Variants in TBPL2 observed in about 807,000 individuals in gnomAD.
The protein encoded by TBPL2 is TATA-box binding protein like 2.
Under a neutral mutation model 38.2 loss-of-function variants are expected in TBPL2, and 40 were observed. That is an observed-to-expected ratio of 1.05 (90% CI 0.81 to 1.36). TBPL2 has a LOEUF of 1.36. Ranked by LOEUF, TBPL2 falls within the 40% of genes most tolerant of loss-of-function variation. TBPL2 has a pLI of 0.00. For missense variants in TBPL2, 461 were observed against 456.7 expected, an observed-to-expected ratio of 1.01 and a Z score of -0.09; for synonymous variants, 169 against 171.7, an observed-to-expected ratio of 0.98 and a Z score of 0.12.
intron 6 of TBPL2, among the ~76,000 whole-genome samples, chr14:55,419,146 G>T (rs145139689): frequency 1.3e-3 from 193 of 152,374 alleles, no homozygotes; most frequent in African/African-American, 4.3e-3. Flanking sequence ...TTGTAGACTT[G>T]CAAATTGCTG....
intron 4 of TBPL2, among the ~76,000 whole-genome samples, chr14:55,433,338 A>G (rs1885963085): frequency 1.4e-5 from 2 of 139,480 alleles, no homozygotes; most frequent in Admixed American, 7.3e-5. Context: ...TTTTTAACAG[A>G]GATGGAGTCT....
At chr14:55,434,285 C>T (rs1485570755) in intron 3 of TBPL2, among the ~76,000 whole-genome samples, 1 of 152,122 alleles carries the variant, frequency 6.6e-6, no homozygotes, top group Non-Finnish European at 1.5e-5. Flanking sequence ...TCTTATAGTT[C>T]TCAAAGTGTC....
chr14:55,432,571 CAT>C lies in TBPL2; in HGVS notation c.788+1057_788+1058del, dbSNP rs141566595. Among the ~76,000 whole-genome samples, 1,081 of 152,232 alleles carry C rather than the reference CAT, an allele frequency of 7.1e-3. 12 individuals carry two copies. Among genetic ancestry groups the C allele is most frequent in the Non-Finnish European group, 0.011 (773 of 68,014 alleles). ...TCTCCATAGATAACTGAGCAAATGA[CAT>C]AGCAATTTCTGCACTTCTAAAAAGT... On this transcript the variant is annotated intron_variant, in intron 4 of 6. Coordinates refer to ENST00000247219, the Ensembl canonical transcript of TBPL2.
rs1885787450 is a variant in TBPL2 at position 55,424,273 on chromosome 14, A to C, written c.957-20T>G. On this transcript the variant is annotated intron_variant, in intron 5 of 6. Transcript: ENST00000247219. Reference sequence around the variant, plus strand: ...TCGTAACTGTTAAGATGTAAAAGGAAAATGTTAAAAATAGCACTATTCAGC... The same window carrying C: ...TCGTAACTGTTAAGATGTAAAAGGACAATGTTAAAAATAGCACTATTCAGC... 6.6e-7 allele frequency: 1 copy of C among 1,520,198 alleles called. No homozygotes were observed. The highest frequency in any genetic ancestry group is 1.4e-5 in the African/African-American group (1 of 73,026). 94.2% of individuals were successfully genotyped at this position (1,520,198 alleles called of 1,614,324 possible). A position where few individuals can be genotyped will look rare whatever the true frequency, so the allele number is the denominator to read the frequency against.
chr14:55,426,271 A>C (rs1318844106), intron 5 of TBPL2, among the ~76,000 whole-genome samples: 1 of 151,778 alleles, frequency 6.6e-6, no homozygotes, highest in Non-Finnish European at 1.5e-5. Context: ...CCATCTCAAA[A>C]AAAAAAAATA....
At chr14:55,430,199 C>G (rs559160694) in intron 4 of TBPL2, among the ~76,000 whole-genome samples, 2 of 152,100 alleles carry the variant, frequency 1.3e-5, no homozygotes, top group South Asian at 4.1e-4. Context: ...TGAATTCCAC[C>G]CCCCTCATGG....
intron 5 of TBPL2, among the ~76,000 whole-genome samples, chr14:55,425,774 T>C (rs1443751965): frequency 6.6e-6 from 1 of 152,234 alleles, no homozygotes; most frequent in Non-Finnish European, 1.5e-5. Flanking sequence ...TCATAGCCCC[T>C]GAAGGGCCTT....
chr14:55,417,449 G>A (rs1885685008), intron 6 of TBPL2, among the ~76,000 whole-genome samples: 1 of 110,704 alleles, frequency 9.0e-6, no homozygotes, highest in African/African-American at 4.1e-5. Context: ...GATGACCCTT[G>A]CCTTAAAAAA....
At chr14:55,415,159 T>A (rs1885649507) in intron 6 of TBPL2, among the ~76,000 whole-genome samples, 1 of 152,198 alleles carries the variant, frequency 6.6e-6, no homozygotes, top group Non-Finnish European at 1.5e-5. Flanking sequence ...GTGCTAAGGG[T>A]CATGTACTTG....
intron 6 of TBPL2, among the ~76,000 whole-genome samples, chr14:55,419,566 G>A (rs1295487024): frequency 6.6e-6 from 1 of 152,192 alleles, no homozygotes; most frequent in African/African-American, 2.4e-5. Flanking sequence ...AGGTCCTGTT[G>A]CTTTCTGCTC....
chr14:55,431,255 T>C (rs1885920549), intron 4 of TBPL2, among the ~76,000 whole-genome samples: 1 of 152,218 alleles, frequency 6.6e-6, no homozygotes, highest in Non-Finnish European at 1.5e-5. Flanking sequence ...ATAAAAAGTA[T>C]CTCTTATTAT....
intron 5 of TBPL2, among the ~76,000 whole-genome samples, chr14:55,426,477 A>G (rs1466215830): frequency 6.6e-6 from 1 of 152,112 alleles, no homozygotes; most frequent in African/African-American, 2.4e-5. Context: ...CCTGATAATT[A>G]TAACTGATTA....
At chr14:55,416,970 T>C (rs1030271003) in intron 6 of TBPL2, among the ~76,000 whole-genome samples, 3 of 152,188 alleles carry the variant, frequency 2.0e-5, no homozygotes, top group South Asian at 2.1e-4. Context: ...GAGTAGAGCA[T>C]TGGACTTCAG....
At chr14:55,438,879 A>T (rs1886057680) in intron 1 of TBPL2, 1 of 142,744 alleles carries the variant, frequency 7.0e-6, no homozygotes. Flanking sequence ...AGTGCTGATC[A>T]TTGTCTTTAT....
chr14:55,429,271 G>C (rs1024776532), intron 4 of TBPL2, among the ~76,000 whole-genome samples: 1 of 152,204 alleles, frequency 6.6e-6, no homozygotes, highest in Admixed American at 6.5e-5. Flanking sequence ...CGATTCCAAG[G>C]ATTCGCAAAG....
intron 3 of TBPL2, among the ~76,000 whole-genome samples, chr14:55,435,627 A>C (rs958150807): frequency 6.6e-6 from 1 of 152,150 alleles, no homozygotes; most frequent in Non-Finnish European, 1.5e-5. Context: ...CAAGGGAGAG[A>C]GCTTATCTTT....
chr14:55,418,828 GGA>G, intron 6 of TBPL2, among the ~76,000 whole-genome samples: 1 of 152,182 alleles, frequency 6.6e-6, no homozygotes, highest in Non-Finnish European at 1.5e-5. Flanking sequence ...GAAAAAACCA[GGA>G]GAGTGTGTTT....
At chr14:55,416,771 A>G (rs1237117968) in intron 6 of TBPL2, among the ~76,000 whole-genome samples, 3 of 152,222 alleles carry the variant, frequency 2.0e-5, no homozygotes, top group Non-Finnish European at 4.4e-5. Context: ...TTAGCAGACA[A>G]TGAAGCATAA....
At chr14:55,427,669 C>T (rs1885846994) in intron 5 of TBPL2, among the ~76,000 whole-genome samples, 1 of 152,032 alleles carries the variant, frequency 6.6e-6, no homozygotes, top group African/African-American at 2.4e-5. Flanking sequence ...ACCCTCCATC[C>T]CTGCTCTCTG....
Sources: allele counts gnomAD v4.1 joint callset (sites outside exome capture counted in the v4.1 genomes callset), GRCh38; gene constraint gnomAD v4.1.1; transcripts MANE v1.5; gene names NCBI Gene and HGNC (gene_info 2026-07-23, HGNC 2026-07-21).